NCAM1: variants seen among roughly 807,000 people sequenced by gnomAD.
NCAM1 encodes the protein antigen recognized by monoclonal antibody 5.1H11.
A neutral mutation model predicts 109.8 loss-of-function variants in NCAM1; 14 were observed. The observed-to-expected ratio is 0.13, with a 90% CI of 0.08 to 0.20. The LOEUF is 0.20. NCAM1 is among the 10% of genes least tolerant of loss of function. The pLI is 1.00. For synonymous variants in NCAM1, 418 were observed against 442.9 expected, an observed-to-expected ratio of 0.94 and a Z score of 0.70; for missense variants, 774 against 1,109.9, an observed-to-expected ratio of 0.70 and a Z score of 4.30.
At chr11:113,077,344 A>G (rs1555086315) in intron 1 of NCAM1, among the ~76,000 whole-genome samples, 2 of 152,182 alleles carry the variant, frequency 1.3e-5, no homozygotes, top group African/African-American at 4.8e-5. Context: ...AGAAGGGAAG[A>G]AGAGCAAGCC....
chr11:113,248,432 A>G (rs1180532545), intron 15 of NCAM1, among the ~76,000 whole-genome samples: 1 of 152,164 alleles, frequency 6.6e-6, no homozygotes. Flanking sequence ...GGTCAGGGCC[A>G]ATAAAATCCA....
chr11:113,085,269 G>T (rs1939027212), intron 1 of NCAM1, among the ~76,000 whole-genome samples: 1 of 152,220 alleles, frequency 6.6e-6, no homozygotes, highest in Non-Finnish European at 1.5e-5. Context: ...TGTTAAGTGA[G>T]ACCCGTTATT....
At position 113,274,293 on chromosome 11, in the gene NCAM1, G is replaced by A. The variant is rs1555126132; in HGVS notation, c.2457-974G>A. On this transcript the variant is annotated intron_variant, in intron 19 of 19. Transcript: ENST00000316851. The surrounding 1 kb of genome is among the most constrained non-coding windows in gnomAD (Gnocchi z 4.1). ...CACTCTTGCTTCTCCTGCTCTTAGA[G>A]TGGCTGGGAAGACTCGGGGCTCCCC... Among the ~76,000 whole-genome samples the A allele has an allele frequency of 6.6e-6, 1 of 152,192 alleles. No individual in the cohort carries two copies. The highest frequency in any genetic ancestry group is 2.4e-5 in the African/African-American group (1 of 41,436).
chr11:113,023,192 G>T (rs1952442972), intron 1 of NCAM1, among the ~76,000 whole-genome samples: 2 of 152,178 alleles, frequency 1.3e-5, no homozygotes, highest in Admixed American at 6.5e-5. Context: ...ATAAGTGTGG[G>T]TTATCTTTCT....
intron 1 of NCAM1, among the ~76,000 whole-genome samples, chr11:113,172,649 A>G (rs1288316965): frequency 6.6e-6 from 1 of 152,230 alleles, no homozygotes; most frequent in Non-Finnish European, 1.5e-5. Flanking sequence ...AGGGGTTGAT[A>G]GCAAAAATTA....
chr11:113,145,746 G>A (rs1258931643), intron 1 of NCAM1, among the ~76,000 whole-genome samples: 1 of 152,190 alleles, frequency 6.6e-6, no homozygotes, highest in Admixed American at 6.5e-5. Flanking sequence ...TGGGAGCATG[G>A]ACCCCACCCC....
chr11:113,080,360 G>A (rs1195740240), intron 1 of NCAM1, among the ~76,000 whole-genome samples: 7 of 152,056 alleles, frequency 4.6e-5, no homozygotes, highest in African/African-American at 9.7e-5. Flanking sequence ...ATTTAGGTTC[G>A]CAAAGTAAAA....
rs797038285 is a variant in NCAM1, at chr11:113,117,207, G to A, written c.53-85172G>A. On this transcript the variant is annotated intron_variant, in intron 1 of 19. Coordinates refer to ENST00000316851, the MANE Select transcript of NCAM1 (RefSeq NM_181351.5). ...TTTAGTGGCCAGCAAAAACTGTTAT[G>A]AGGGAGCAAACTAATACATCAGAAG... Among the ~76,000 whole-genome samples, 9 of 151,966 alleles carry A rather than the reference G, an allele frequency of 5.9e-5. No homozygotes were observed. The South Asian group carries it at 1.9e-3, about 31-fold the overall frequency.
chr11:113,267,588 G>T (rs1339230937), intron 17 of NCAM1, among the ~76,000 whole-genome samples: 1 of 152,172 alleles, frequency 6.6e-6, no homozygotes, highest in Non-Finnish European at 1.5e-5. Flanking sequence ...CAGAAGGGAG[G>T]CTGCCGGTTC....
chr11:113,099,155 C>T (rs1483153282), intron 1 of NCAM1, among the ~76,000 whole-genome samples: 2 of 152,090 alleles, frequency 1.3e-5, no homozygotes. Context: ...CCCAAGATCA[C>T]GTTTATTTAG....
At chr11:112,982,915 A>G (rs922949635) in intron 1 of NCAM1, among the ~76,000 whole-genome samples, 2 of 151,936 alleles carry the variant, frequency 1.3e-5, no homozygotes, top group Admixed American at 6.6e-5. Flanking sequence ...TTAGAGACAT[A>G]AATCTGTAGT....
intron 15 of NCAM1, among the ~76,000 whole-genome samples, 189 bp from the exon 16 acceptor site, chr11:113,255,688 C>T (rs1254499144): frequency 6.6e-6 from 1 of 151,016 alleles, no homozygotes; most frequent in Non-Finnish European, 1.5e-5. Flanking sequence ...CCAAGAGGCA[C>T]TCTCAGTTTG....
At position 113,271,784 on chromosome 11, in the gene NCAM1, C is replaced by G. The variant is rs782571268; in HGVS notation, c.2364C>G (p.Ile788Met). The change falls in exon 19 of 20, where the codon ATC becomes ATG. Residue 788 changes from isoleucine (I) to methionine (M), a missense_variant. This residue lies in a region of NCAM1 where 122 missense variants were observed against 129.7 expected (regional missense o/e 0.94). Transcript: ENST00000316851. ...AFSKDESKEP[I>M]VEVRTEEERT... ...GGAAAGATGAGTCCAAGGAGCCCAT[C>G]GTGGAGGTTCGAACGGAGGAGGAGA... 1 of 1,561,712 alleles carries G rather than the reference C, an allele frequency of 6.4e-7. No homozygotes were observed.
intron 1 of NCAM1, among the ~76,000 whole-genome samples, chr11:113,088,533 T>A (rs1939191063): frequency 1.7e-5 from 1 of 57,728 alleles, no homozygotes. Flanking sequence ...CCATTTGATA[T>A]GGCATAGCGA....
At chr11:113,128,577 T>G (rs1201112560) in intron 1 of NCAM1, among the ~76,000 whole-genome samples, 1 of 152,172 alleles carries the variant, frequency 6.6e-6, no homozygotes, top group Admixed American at 6.5e-5. Flanking sequence ...TTTTATCCCT[T>G]CCCACAGCAG....
In NCAM1 at chr11:113,255,907, A is replaced by T. The variant is rs782315714; in HGVS notation, c.1859A>T (p.Gln620Leu). ...CCCAGTGCACCTAAGCTCGAAGGGC[A>T]GATGGGAGAGGATGGAAACTCTATT... is the stretch of plus-strand genomic sequence containing the variant. ...GEPSAPKLEG[Q>L]MGEDGNSIKV... Residue 620 changes from glutamine to leucine, a missense_variant, in exon 16 of 20, where the codon CAG becomes CTG. Gln to Leu is a moderately radical substitution (Grantham distance 113, BLOSUM62 -2). Around this residue, in one of 4 missense-constraint regions of NCAM1, gnomAD observed 523 missense variants for 784.2 expected, o/e 0.67. Coordinates refer to ENST00000316851, the MANE Select transcript of NCAM1 (RefSeq NM_181351.5). The T allele has an allele frequency of 3.7e-6, 6 of 1,612,528 alleles. No individual in the cohort carries two copies. The Admixed American group carries it at 1.0e-4, about 27-fold the overall frequency.
chr11:113,040,090 C>T (rs1461849583), intron 1 of NCAM1, among the ~76,000 whole-genome samples: 1 of 151,992 alleles, frequency 6.6e-6, no homozygotes, highest in Non-Finnish European at 1.5e-5. Flanking sequence ...TGCAGTGAGC[C>T]GAGATCGCGT....
In NCAM1 at chr11:113,202,311, C is replaced by T. The variant is rs782741082; in HGVS notation, c.53-68C>T. On this transcript the variant is annotated intron_variant, in intron 1 of 19. Transcript: ENST00000316851. ...TTTCATTCTTGAACATTGGAATGTACGTTTGAACTGAACTTTGTGGGTTTT... is the reference window on the plus strand; with the variant it reads ...TTTCATTCTTGAACATTGGAATGTATGTTTGAACTGAACTTTGTGGGTTTT... 24 of 1,429,906 alleles carry T rather than the reference C, an allele frequency of 1.7e-5. No homozygotes were observed. The East Asian group carries it at 1.7e-4, about 10-fold the overall frequency. The allele number at this position is 1,429,906 out of a possible 1,614,324, so 88.6% of individuals were successfully genotyped here. A position where few individuals can be genotyped will look rare whatever the true frequency, so the allele number is the denominator to read the frequency against.
chr11:113,227,107 A>G (rs1591437248), intron 9 of NCAM1, among the ~76,000 whole-genome samples: 2 of 152,326 alleles, frequency 1.3e-5, no homozygotes, highest in Admixed American at 6.5e-5. Flanking sequence ...AGACAGAGAC[A>G]CAAAAAACCC....
Sources: allele counts gnomAD v4.1 joint callset (sites outside exome capture counted in the v4.1 genomes callset), GRCh38; gene constraint gnomAD v4.1.1; regional missense constraint gnomAD v4.1.1; non-coding constraint Gnocchi (gnomAD v3.1); transcripts MANE v1.5; gene names NCBI Gene and HGNC (gene_info 2026-07-23, HGNC 2026-07-21).